FGF14: variants seen among roughly 807,000 people sequenced by gnomAD.
FGF14 encodes the protein fibroblast growth factor homologous factor 4.
Under a neutral mutation model 25.5 loss-of-function variants are expected in FGF14, and 5 were observed. That is an observed-to-expected ratio of 0.20 (90% CI 0.10 to 0.41). The LOEUF (loss-of-function observed/expected upper bound fraction) is 0.41. Among genes scored for constraint, FGF14 ranks in the 10% least tolerant of loss-of-function variants. The pLI is 1.00. For synonymous variants in FGF14, 138 were observed against 118.3 expected, an observed-to-expected ratio of 1.17 and a Z score of -1.08; for missense variants, 222 against 320.1, an observed-to-expected ratio of 0.69 and a Z score of 2.34.
chr13:102,178,217 C>T (rs1253311930), intron 1 of FGF14, among the ~76,000 whole-genome samples: 1 of 152,086 alleles, frequency 6.6e-6, no homozygotes, highest in African/African-American at 2.4e-5. Flanking sequence ...TACAGAAACA[C>T]CATTATGGCT....
At chr13:102,063,223 T>C (rs2042762195) in intron 1 of FGF14, among the ~76,000 whole-genome samples, 1 of 152,238 alleles carries the variant, frequency 6.6e-6, no homozygotes, top group African/African-American at 2.4e-5. Context: ...AATTTCTCTT[T>C]GGACATAGAT....
At chr13:101,728,952 G>A (rs1375550333) in intron 3 of FGF14, among the ~76,000 whole-genome samples, 1 of 151,986 alleles carries the variant, frequency 6.6e-6, no homozygotes, top group East Asian at 1.9e-4. Flanking sequence ...ACTTAGGGAT[G>A]TATTGTCTCC....
At position 102,314,350 on chromosome 13, in the gene FGF14, C is replaced by T. The variant is rs1359661408; in HGVS notation, c.208+87121G>A. On this transcript the variant is annotated intron_variant, in intron 1 of 4. Transcript: ENST00000376131. ...TTACATGCACAAATTAAGCAGCACC[C>T]ATTCTATATTGACTACTTACTAGTT... 2.0e-5 allele frequency among the ~76,000 whole-genome samples: 3 copies of T among 152,184 alleles called. No homozygotes were observed. In the East Asian group the frequency reaches 5.8e-4, roughly 29 times the overall value.
At chr13:101,739,654 G>A (rs1246290294) in intron 3 of FGF14, among the ~76,000 whole-genome samples, 2 of 152,134 alleles carry the variant, frequency 1.3e-5, no homozygotes, top group African/African-American at 2.4e-5. Context: ...AGAAAACAAC[G>A]AAATCAGAAT....
At chr13:101,917,174 C>A (rs1400335051), upstream of FGF14, among the ~76,000 whole-genome samples, 4 of 150,312 alleles carry the variant, frequency 2.7e-5, no homozygotes, top group Non-Finnish European at 5.9e-5. Context: ...GCCGGTGCCG[C>A]CGCCGGCGCC....
chr13:101,981,216 G>T (rs1199363650), intron 1 of FGF14, among the ~76,000 whole-genome samples: 1 of 151,720 alleles, frequency 6.6e-6, no homozygotes, highest in East Asian at 1.9e-4. Flanking sequence ...GGAGGCAGAG[G>T]TTCCATTGAG....
In FGF14 at chr13:102,215,540, G is replaced by A. The variant is rs148895911; in HGVS notation, c.208+185931C>T. ...TGTTCCCAAATAAAAATTATCTCTA[G>A]TTCCTATGCCTGCATCAAGCCTTTC... is the stretch of plus-strand genomic sequence containing the variant. On this transcript the variant is annotated intron_variant, in intron 1 of 4. Coordinates refer to the FGF14 transcript ENST00000376131. Among the ~76,000 whole-genome samples the A allele has an allele frequency of 2.3e-3, 356 of 152,234 alleles. 1 individual carries two copies. Among genetic ancestry groups the A allele is most frequent in the African/African-American group, 7.9e-3 (327 of 41,534 alleles).
chr13:102,221,575 A>G (rs917433262), intron 1 of FGF14, among the ~76,000 whole-genome samples: 3 of 152,078 alleles, frequency 2.0e-5, no homozygotes, highest in African/African-American at 7.2e-5. Context: ...CTTTCAGAAT[A>G]TATGTTTGAG....
rs926302889 is a variant in FGF14 at position 102,400,548 on chromosome 13, C to G, written c.208+923G>C. On this transcript the variant is annotated intron_variant, in intron 1 of 4. Transcript: ENST00000376131. This position sits in a 1 kb window ranked among gnomAD's most constrained non-coding sequence, Gnocchi z 4.3. Reference sequence around the variant, plus strand: ...CTCGCCCACAGCTCCGCGGCCGCCCCCAATCGCCTCGGACTGAGACGCGGG... The same window carrying G: ...CTCGCCCACAGCTCCGCGGCCGCCCGCAATCGCCTCGGACTGAGACGCGGG... Among the ~76,000 whole-genome samples the G allele has an allele frequency of 6.6e-6, 1 of 152,222 alleles. No individual in the cohort carries two copies. Among genetic ancestry groups the G allele is most frequent in the African/African-American group, 2.4e-5 (1 of 41,456 alleles).
At chr13:102,115,188 G>C (rs2045411239) in intron 1 of FGF14, among the ~76,000 whole-genome samples, 1 of 152,258 alleles carries the variant, frequency 6.6e-6, no homozygotes, top group South Asian at 2.1e-4. Context: ...AAGCCTTCTT[G>C]TTAGAGGTTA....
chr13:101,907,267 C>T (rs1306942802), intron 1 of FGF14, among the ~76,000 whole-genome samples: 1 of 152,108 alleles, frequency 6.6e-6, no homozygotes, highest in South Asian at 2.1e-4. Flanking sequence ...CGAATACCAA[C>T]TGAGTACTAT....
chr13:101,714,734 C>T lies in FGF14; in HGVS notation c.*8097G>A. ...ACAAAAGCCTCACATTATTCCTAGGCATAGAAGAATACAAGAGAATGAAGC... is the reference window on the plus strand; with the variant it reads ...ACAAAAGCCTCACATTATTCCTAGGTATAGAAGAATACAAGAGAATGAAGC... On this transcript the variant is annotated 3_prime_UTR_variant, in exon 5 of 5. Coordinates refer to ENST00000376143, the MANE Select transcript of FGF14 (RefSeq NM_004115.4). The T allele has an allele frequency of 1.7e-6, 1 of 579,820 alleles. No homozygotes were observed. The allele number at this position is 579,820 out of a possible 1,614,324, so 35.9% of individuals were successfully genotyped here.
At chr13:101,825,561 T>C (rs1159200499) in intron 3 of FGF14, among the ~76,000 whole-genome samples, 1 of 152,190 alleles carries the variant, frequency 6.6e-6, no homozygotes, top group Admixed American at 6.5e-5. Flanking sequence ...CCAGATAGTA[T>C]GGTATAATAC....
intron 1 of FGF14, among the ~76,000 whole-genome samples, chr13:102,194,470 T>C (rs1255986582): frequency 6.6e-6 from 1 of 152,060 alleles, no homozygotes. Flanking sequence ...GTTGTTCCCC[T>C]GCTAGGGAGA....
At chr13:101,965,131 C>T (rs2139487409) in intron 1 of FGF14, among the ~76,000 whole-genome samples, 1 of 152,146 alleles carries the variant, frequency 6.6e-6, no homozygotes, top group South Asian at 2.1e-4. Flanking sequence ...CACCCGTAAT[C>T]CCAGCTACTC....
intron 1 of FGF14, among the ~76,000 whole-genome samples, chr13:101,904,755 T>TA (rs1038790115): frequency 6.6e-6 from 1 of 152,196 alleles, no homozygotes; most frequent in Non-Finnish European, 1.5e-5. Context: ...ATGCAGAAAG[T>TA]AAAAATGATA....
intron 3 of FGF14, among the ~76,000 whole-genome samples, chr13:101,850,486 A>G (rs1187397911): frequency 8.6e-4 from 1 of 1,164 alleles, no homozygotes; most frequent in African/African-American, 2.1e-3. Context: ...ATATATATAT[A>G]TATATATATA....
At chr13:101,810,693 C>T (rs2041455995) in intron 3 of FGF14, among the ~76,000 whole-genome samples, 1 of 152,200 alleles carries the variant, frequency 6.6e-6, no homozygotes, top group Non-Finnish European at 1.5e-5. Context: ...ACATCAATAA[C>T]CAACCCTCAA....
chr13:102,267,902 T>C (rs997744693), intron 1 of FGF14, among the ~76,000 whole-genome samples: 2 of 151,976 alleles, frequency 1.3e-5, no homozygotes, highest in African/African-American at 4.8e-5. Flanking sequence ...TTGAGAAAAC[T>C]ACTAAAAGAA....
Sources: gnomAD v4.1 joint callset for allele counts (sites outside exome capture counted in the v4.1 genomes callset) on GRCh38, gnomAD v4.1.1 for gene constraint, Gnocchi (gnomAD v3.1) non-coding constraint, MANE v1.5 for transcripts, NCBI Gene and HGNC (gene_info 2026-07-23, HGNC 2026-07-21) for gene names.